PARN: variants seen among roughly 807,000 people sequenced by gnomAD.
PARN encodes the protein poly(A)-specific ribonuclease.
PARN carries 71 observed loss-of-function variants against 102.8 expected under a neutral mutation model. The ratio of observed to expected loss-of-function variants is 0.69; its 90% CI spans 0.57 to 0.84. The LOEUF is 0.84. PARN is among the 40% of genes least tolerant of loss of function. The pLI, the probability that PARN is intolerant of heterozygous loss-of-function variation, is 0.00. For missense variants in PARN, 782 were observed against 760.9 expected, an observed-to-expected ratio of 1.03 and a Z score of -0.33; for synonymous variants, 261 against 252.9, an observed-to-expected ratio of 1.03 and a Z score of -0.30.
intron 6 of PARN, among the ~76,000 whole-genome samples, chr16:14,614,967 G>A (rs1971799295): frequency 6.6e-6 from 1 of 151,530 alleles, no homozygotes; most frequent in African/African-American, 2.4e-5. Context: ...AGACAAGAGT[G>A]AGAGGGAAAA....
At chr16:14,624,646 T>A (rs1157378085) in intron 5 of PARN, among the ~76,000 whole-genome samples, 2 of 152,220 alleles carry the variant, frequency 1.3e-5, no homozygotes, top group Non-Finnish European at 2.9e-5. Flanking sequence ...CGGCCAGATG[T>A]GGTGGCTTAC....
intron 22 of PARN, among the ~76,000 whole-genome samples, chr16:14,454,096 T>A (rs528037217): frequency 1.3e-5 from 2 of 152,324 alleles, no homozygotes; most frequent in South Asian, 4.1e-4. Flanking sequence ...TGGGTTGTTT[T>A]CTGAATTGCC....
At chr16:14,461,675 T>C (rs750494579) in intron 22 of PARN, among the ~76,000 whole-genome samples, 9 of 152,248 alleles carry the variant, frequency 5.9e-5, no homozygotes, top group Admixed American at 2.0e-4. Context: ...AGTGTCAACA[T>C]TCCCGTGGTC....
At chr16:14,622,135 G>T (rs1972344978) in intron 5 of PARN, among the ~76,000 whole-genome samples, 1 of 152,138 alleles carries the variant, frequency 6.6e-6, no homozygotes. Context: ...GGAGGTTACA[G>T]TGAGCCAAGA....
chr16:14,452,408 C>T lies in PARN; in HGVS notation c.1671-5327G>A, dbSNP rs187465776. Among the ~76,000 whole-genome samples the T allele has an allele frequency of 4.3e-4, 66 of 152,300 alleles. 1 individual carries two copies. In the South Asian group the frequency reaches 0.011, roughly 26 times the overall value. The stretch of plus-strand genomic sequence containing the variant: ...TTTATTTAGAGACGGAGTCTTGCTC[C>T]GTTGCTCAGGCTGGAGTGTAGTGAT... On this transcript the variant is annotated intron_variant, in intron 22 of 23. Transcript: ENST00000437198.
chr16:14,597,056 G>C (rs1417412351), intron 12 of PARN, among the ~76,000 whole-genome samples: 1 of 151,916 alleles, frequency 6.6e-6, no homozygotes, highest in Admixed American at 6.6e-5. Context: ...CAAAGTACTG[G>C]GATTACAGGT....
intron 18 of PARN, among the ~76,000 whole-genome samples, chr16:14,556,536 AAAAC>A (rs755822517): frequency 2.6e-5 from 4 of 152,214 alleles, no homozygotes; most frequent in Non-Finnish European, 5.9e-5. Flanking sequence ...ACAAATAGAA[AAAAC>A]AAACAAGCAA....
At chr16:14,436,962 A>C (rs1415357290) in intron 23 of PARN, among the ~76,000 whole-genome samples, 190 bp from the exon 24 acceptor site, 1 of 152,294 alleles carries the variant, frequency 6.6e-6, no homozygotes, top group African/African-American at 2.4e-5. Flanking sequence ...CAGCATGGGA[A>C]AGTGAAACCA....
At chr16:14,491,365 G>C (rs148804785) in intron 21 of PARN, among the ~76,000 whole-genome samples, 63 of 151,910 alleles carry the variant, frequency 4.1e-4, no homozygotes, top group African/African-American at 1.4e-3. Flanking sequence ...TTCTGAACAG[G>C]ACCAGGTGCT....
chr16:14,512,130 A>G (rs1340801454), intron 21 of PARN, among the ~76,000 whole-genome samples: 6 of 152,228 alleles, frequency 3.9e-5, no homozygotes, highest in African/African-American at 7.2e-5. Flanking sequence ...AAAGAATTTA[A>G]TCTTCCACTG....
At chr16:14,460,559 G>C (rs527531569) in intron 22 of PARN, among the ~76,000 whole-genome samples, 2 of 152,156 alleles carry the variant, frequency 1.3e-5, no homozygotes, top group East Asian at 1.9e-4. Context: ...TGAAATCAAA[G>C]AAAAATGGAT....
chr16:14,623,604 A>C (rs1053940420), intron 5 of PARN, among the ~76,000 whole-genome samples: 1 of 152,124 alleles, frequency 6.6e-6, no homozygotes, highest in Non-Finnish European at 1.5e-5. Context: ...TGGAAGGCCA[A>C]GGCGGGTGGA....
At chr16:14,606,291 G>A (rs1208473465) in intron 10 of PARN, among the ~76,000 whole-genome samples, 193 bp downstream of exon 10, 2 of 151,938 alleles carry the variant, frequency 1.3e-5, no homozygotes, top group African/African-American at 4.8e-5. Context: ...GTCCCAGCTT[G>A]GGAGGCTGAT....
chr16:14,492,728 T>C (rs753119741), intron 21 of PARN, among the ~76,000 whole-genome samples: 1 of 152,100 alleles, frequency 6.6e-6, no homozygotes, highest in Admixed American at 6.5e-5. Flanking sequence ...CTTTACAAAC[T>C]AGACATGAAA....
chr16:14,552,193 TAAAG>T, intron 20 of PARN, 98 bp from the exon 21 acceptor site: 1 of 737,046 alleles, frequency 1.4e-6, no homozygotes, highest in South Asian at 1.8e-5. Context: ...AGTCTATCTT[TAAAG>T]AGAGAGAAGG....
chr16:14,583,635 G>A (rs1969660892), intron 16 of PARN, among the ~76,000 whole-genome samples: 1 of 152,184 alleles, frequency 6.6e-6, no homozygotes, highest in Admixed American at 6.5e-5. Flanking sequence ...GCAAATAACT[G>A]TAATCTTGGC....
chr16:14,557,971 C>T (rs1967803868), intron 18 of PARN, among the ~76,000 whole-genome samples: 1 of 152,118 alleles, frequency 6.6e-6, no homozygotes, highest in Non-Finnish European at 1.5e-5. Context: ...CTAATAATAA[C>T]AAAAGTTATT....
chr16:14,623,506 C>T (rs1247372968), intron 5 of PARN, among the ~76,000 whole-genome samples: 10 of 147,944 alleles, frequency 6.8e-5, no homozygotes, highest in African/African-American at 2.5e-4. Context: ...GAGCAAAACC[C>T]CATCTCAAAA....
chr16:14,604,688 T>G (rs903212201), intron 10 of PARN, among the ~76,000 whole-genome samples: 4 of 152,156 alleles, frequency 2.6e-5, no homozygotes, highest in African/African-American at 9.7e-5. Flanking sequence ...CAACCTCAGC[T>G]CACTGCAAAC....
Sources: allele counts gnomAD v4.1 joint callset (sites outside exome capture counted in the v4.1 genomes callset), GRCh38; gene constraint gnomAD v4.1.1; transcripts MANE v1.5; gene names NCBI Gene and HGNC (gene_info 2026-07-23, HGNC 2026-07-21).